ANGPT2: variants seen among roughly 807,000 people sequenced by gnomAD.
ANGPT2 encodes angiopoietin 2.
A neutral mutation model predicts 62.9 loss-of-function variants in ANGPT2; 28 were observed. That is an observed-to-expected ratio of 0.44 (90% confidence interval 0.33 to 0.61). ANGPT2 has a LOEUF of 0.61. ANGPT2 is among the 20% of genes least tolerant of loss of function. The pLI, the probability that ANGPT2 is intolerant of heterozygous loss-of-function variation, is 0.03. For missense variants in ANGPT2, 727 were observed against 594.9 expected, an observed-to-expected ratio of 1.22 and a Z score of -2.31; for synonymous variants, 284 against 207.8, an observed-to-expected ratio of 1.37 and a Z score of -3.15.
chr8:6,544,721 T>C (rs539682735), intron 1 of ANGPT2, among the ~76,000 whole-genome samples: 1 of 152,290 alleles, frequency 6.6e-6, no homozygotes, highest in South Asian at 2.1e-4. Context: ...AAGAAGGAAT[T>C]CATTAAGATA....
At chr8:6,562,549 C>CTTTTTTTTTTTTTTTTT (rs1264718918) in intron 1 of ANGPT2, 98 bp downstream of exon 1, 2 of 87,394 alleles carry the variant, frequency 2.3e-5, no homozygotes, top group African/African-American at 2.1e-4. Context: ...CTTCATCCTC[C>CTTTTTTTTTTTTTTTTT]TTCTTTTTTT....
chr8:6,521,736 C>G (rs1817379642), intron 3 of ANGPT2, among the ~76,000 whole-genome samples: 1 of 152,186 alleles, frequency 6.6e-6, no homozygotes, highest in Non-Finnish European at 1.5e-5. Flanking sequence ...AAGAAAGGTG[C>G]TGCTCTTTCA....
At chr8:6,534,815 C>G (rs984427420) in intron 1 of ANGPT2, among the ~76,000 whole-genome samples, 1 of 152,118 alleles carries the variant, frequency 6.6e-6, no homozygotes, top group Non-Finnish European at 1.5e-5. Context: ...TCTCCTTCCT[C>G]CCCTGCCTTT....
At chr8:6,508,120 A>G (rs570504132) in intron 8 of ANGPT2, 6 of 152,214 alleles carry the variant, frequency 3.9e-5, no homozygotes, top group Non-Finnish European at 8.8e-5. Context: ...ATTTGTGTTT[A>G]TAGGTGTTGC....
chr8:6,518,129 C>T (rs991449811), intron 5 of ANGPT2, among the ~76,000 whole-genome samples: 2 of 152,272 alleles, frequency 1.3e-5, no homozygotes, highest in South Asian at 2.1e-4. Context: ...TGCACTTAGA[C>T]TGAGAAACAT....
chr8:6,512,898 C>G (rs1277020431), intron 7 of ANGPT2, among the ~76,000 whole-genome samples: 1 of 152,230 alleles, frequency 6.6e-6, no homozygotes, highest in East Asian at 1.9e-4. Context: ...CCACCTAACT[C>G]TGCCATCTCT....
intron 2 of ANGPT2, among the ~76,000 whole-genome samples, chr8:6,527,897 C>G (rs1281525108): frequency 9.4e-6 from 1 of 105,958 alleles, no homozygotes; most frequent in South Asian, 3.2e-4. Flanking sequence ...CCCCACGTCT[C>G]TATTTTTTTT....
intron 1 of ANGPT2, among the ~76,000 whole-genome samples, chr8:6,556,299 T>C (rs1326143396): frequency 2.6e-5 from 4 of 152,206 alleles, no homozygotes; most frequent in African/African-American, 9.6e-5. Context: ...ATACCTGATA[T>C]TTACTTTTTG....
intron 7 of ANGPT2, among the ~76,000 whole-genome samples, chr8:6,511,016 A>T (rs1260814709): frequency 6.6e-6 from 1 of 152,226 alleles, no homozygotes; most frequent in Non-Finnish European, 1.5e-5. Flanking sequence ...TCTTCCCATT[A>T]ATCATAGACA....
At chr8:6,543,987 T>C (rs556613739) in intron 1 of ANGPT2, among the ~76,000 whole-genome samples, 1 of 152,368 alleles carries the variant, frequency 6.6e-6, no homozygotes, top group South Asian at 2.1e-4. Context: ...ATTTTAAGCA[T>C]TTTAACCTTG....
intron 1 of ANGPT2, among the ~76,000 whole-genome samples, chr8:6,532,810 G>C (rs1463448240): frequency 1.3e-5 from 2 of 152,194 alleles, no homozygotes; most frequent in Non-Finnish European, 2.9e-5. Flanking sequence ...AGGGACTGCT[G>C]GGTGCGGCCA....
chr8:6,560,791 G>T (rs1563128965), intron 1 of ANGPT2, among the ~76,000 whole-genome samples: 2 of 152,216 alleles, frequency 1.3e-5, no homozygotes, highest in Admixed American at 1.3e-4. Context: ...CCAAGAGAAG[G>T]GGTAGTTTAC....
intron 5 of ANGPT2, among the ~76,000 whole-genome samples, chr8:6,515,281 A>G (rs1013314391): frequency 2.6e-5 from 4 of 152,074 alleles, no homozygotes; most frequent in Non-Finnish European, 4.4e-5. Context: ...GACTCCTGTT[A>G]CATTCTCGTA....
intron 1 of ANGPT2, among the ~76,000 whole-genome samples, chr8:6,540,965 C>T (rs1821442316): frequency 6.6e-6 from 1 of 152,084 alleles, no homozygotes; most frequent in Non-Finnish European, 1.5e-5. Flanking sequence ...GACTGCTGTC[C>T]CCAGGGGGCA....
At chr8:6,504,399 A>T (rs1184737810) in intron 8 of ANGPT2, among the ~76,000 whole-genome samples, 1 of 151,274 alleles carries the variant, frequency 6.6e-6, no homozygotes, top group Non-Finnish European at 1.5e-5. Flanking sequence ...CCTGATGCCC[A>T]CTTCATCCCT....
chr8:6,520,447 G>C (rs1440453329), intron 4 of ANGPT2, among the ~76,000 whole-genome samples: 1 of 152,006 alleles, frequency 6.6e-6, no homozygotes, highest in Non-Finnish European at 1.5e-5. Context: ...GACATAGTGG[G>C]GTGCAGTGAC....
Position 6,508,990 on chromosome 8 carries a change from G to A in ANGPT2, c.1269C>T (p.Ser423=), listed in dbSNP as rs1217265272. 6.2e-7 allele frequency: 1 copy of A among 1,613,956 alleles called. No homozygotes were observed. Among genetic ancestry groups the A allele is most frequent in the Non-Finnish European group, 8.5e-7 (1 of 1,180,014 alleles). The change falls in exon 8 of 9, where the codon AGC becomes AGT. Residue 423 remains serine, a synonymous_variant. Transcript: ENST00000629816. Reference sequence around the variant, plus strand: ...ATTTGTCGTTGTCTCCATCCTTTGTGCTAAAATCATTTCCTGGTTGGCTGA... The same window carrying A: ...ATTTGTCGTTGTCTCCATCCTTTGTACTAAAATCATTTCCTGGTTGGCTGA... ...SSISQPGNDF[S]TKDGDNDKCI...
At chr8:6,519,183 C>G (rs116958228) in intron 5 of ANGPT2, among the ~76,000 whole-genome samples, 1 of 152,188 alleles carries the variant, frequency 6.6e-6, no homozygotes. Flanking sequence ...TCGCCTTCCC[C>G]AGCGGTTCTC....
intron 1 of ANGPT2, 59 bp from the exon 2 acceptor site, chr8:6,532,546 T>A: frequency 1.5e-6 from 2 of 1,290,994 alleles, no homozygotes; most frequent in Non-Finnish European, 2.1e-6. Context: ...ACCTGATTCC[T>A]AAATGTTTGT....
Sources: allele counts gnomAD v4.1 joint callset (sites outside exome capture counted in the v4.1 genomes callset), GRCh38; gene constraint gnomAD v4.1.1; transcripts MANE v1.5; gene names NCBI Gene and HGNC (gene_info 2026-07-23, HGNC 2026-07-21).